PNPLA1: variants seen among roughly 807,000 people sequenced by gnomAD.
PNPLA1 encodes patatin like domain 1, omega-hydroxyceramide transacylase.
Under a neutral mutation model 51.7 loss-of-function variants are expected in PNPLA1, and 36 were observed. The ratio of observed to expected loss-of-function variants is 0.70; its 90% CI spans 0.53 to 0.92. PNPLA1 has a LOEUF of 0.92. Among genes scored for constraint, PNPLA1 ranks in the 40% least tolerant of loss-of-function variants. PNPLA1 has a pLI of 0.00. For synonymous variants in PNPLA1, 293 were observed against 280.1 expected (o/e 1.05, Z -0.46); for missense variants, 658 against 682.5 (o/e 0.96, Z 0.40).
chr6:36,291,937 G>T (rs1027235705), intron 2 of PNPLA1, among the ~76,000 whole-genome samples: 6 of 152,210 alleles, frequency 3.9e-5, no homozygotes, highest in Non-Finnish European at 7.4e-5. Flanking sequence ...GGTCAGGGGA[G>T]AGGGGCCCCC....
At chr6:36,293,238 A>G in intron 3 of PNPLA1, 112 bp downstream of exon 3, 2 of 1,032,042 alleles carry the variant, frequency 1.9e-6, no homozygotes, top group Non-Finnish European at 2.9e-6. Flanking sequence ...GGGAGGACCT[A>G]GAGTTGGAGA....
intron 1 of PNPLA1, among the ~76,000 whole-genome samples, chr6:36,289,513 T>A (rs1770610072): frequency 6.6e-6 from 1 of 151,898 alleles, no homozygotes. Flanking sequence ...CCTTTCTGCC[T>A]CCCAGGAGCA....
At chr6:36,249,959 T>C (rs191270355) in intron 1 of PNPLA1, among the ~76,000 whole-genome samples, 7 of 152,312 alleles carry the variant, frequency 4.6e-5, no homozygotes, top group African/African-American at 7.2e-5. Context: ...TGATGAGGGT[T>C]CTTTATATGC....
At chr6:36,273,647 C>T (rs1368525955) in intron 1 of PNPLA1, among the ~76,000 whole-genome samples, 1 of 134,620 alleles carries the variant, frequency 7.4e-6, no homozygotes, top group East Asian at 2.4e-4. Flanking sequence ...GATCCCAGCA[C>T]TTTGAGAGGC....
At chr6:36,245,006 CTG>C (rs1389234543) in intron 1 of PNPLA1, among the ~76,000 whole-genome samples, 7 of 152,330 alleles carry the variant, frequency 4.6e-5, no homozygotes, top group East Asian at 1.9e-4. Context: ...TACATGGAAA[CTG>C]TGCATTGGTT....
intron 1 of PNPLA1, among the ~76,000 whole-genome samples, chr6:36,251,034 G>T (rs533763625): frequency 4.3e-4 from 65 of 152,074 alleles, no homozygotes; most frequent in African/African-American, 1.4e-3. Context: ...ACTTCGTTTT[G>T]CTCACCAATG....
At chr6:36,291,575 G>GCAA in intron 2 of PNPLA1, 23 bp downstream of exon 2, 1 of 521,318 alleles carries the variant, frequency 1.9e-6, no homozygotes. Flanking sequence ...GGCTGGGAGG[G>GCAA]AGGGACACGG....
At chr6:36,310,709 T>C (rs558098310) in intron 8 of PNPLA1, among the ~76,000 whole-genome samples, 13 of 152,334 alleles carry the variant, frequency 8.5e-5, no homozygotes, top group Admixed American at 2.6e-4. Flanking sequence ...AGTGTCTTGA[T>C]GTTCCAACTT....
upstream of PNPLA1, among the ~76,000 whole-genome samples, chr6:36,268,334 G>T (rs1769810750): frequency 6.6e-6 from 1 of 152,176 alleles, no homozygotes; most frequent in Non-Finnish European, 1.5e-5. Flanking sequence ...GTGCAGCATA[G>T]GAATGACAGT....
In PNPLA1 at chr6:36,282,225, G is replaced by GGAAGGAAGGAAA. The variant is rs1554136659; in HGVS notation, c.206-9091_206-9080dup. Among the ~76,000 whole-genome samples, 18 of 141,446 alleles carry GGAAGGAAGGAAA rather than the reference G, an allele frequency of 1.3e-4. 1 individual carries two copies. Among genetic ancestry groups the GGAAGGAAGGAAA allele is most frequent in the Non-Finnish European group, 2.5e-4 (16 of 64,716 alleles). 92.8% of individuals were successfully genotyped at this position (141,446 alleles called of 152,430 possible). A position where few individuals can be genotyped will look rare whatever the true frequency, so the allele number is the denominator to read the frequency against. On this transcript the variant is annotated intron_variant, in intron 1 of 8. Transcript: ENST00000636260. Reference sequence around the variant, plus strand: ...GGAAGGAAGGAAGGGAAGGAAGGAAGGAAGGAAGGAAAGAAAGAAAGAAGG... The same window carrying GGAAGGAAGGAAA: ...GGAAGGAAGGAAGGGAAGGAAGGAAGGAAGGAAGGAAAGAAGGAAGGAAAGAAAGAAAGAAGG...
At chr6:36,257,734 CT>C (rs1368029899) in intron 1 of PNPLA1, among the ~76,000 whole-genome samples, 24 of 152,176 alleles carry the variant, frequency 1.6e-4, no homozygotes, top group African/African-American at 5.3e-4. Flanking sequence ...GTTTTTACAT[CT>C]GAGTTGTCTC....
intron 1 of PNPLA1, among the ~76,000 whole-genome samples, chr6:36,282,411 T>G (rs562461573): frequency 6.6e-5 from 10 of 152,368 alleles, no homozygotes; most frequent in African/African-American, 2.4e-4. Flanking sequence ...ACTTATGCTT[T>G]ACATGTTTAA....
intron 8 of PNPLA1, among the ~76,000 whole-genome samples, chr6:36,308,897 A>T (rs147437435): frequency 3.3e-5 from 5 of 152,322 alleles, no homozygotes; most frequent in African/African-American, 9.6e-5. Context: ...CGGGAGGCTG[A>T]GGCAGGAGGA....
At chr6:36,298,853 C>T (rs1332780987) in intron 5 of PNPLA1, among the ~76,000 whole-genome samples, 2 of 152,216 alleles carry the variant, frequency 1.3e-5, no homozygotes, top group African/African-American at 4.8e-5. Context: ...ATTCTCCCGC[C>T]TCAGCCTCCT....
chr6:36,309,063 A>G (rs1000998109), intron 8 of PNPLA1, among the ~76,000 whole-genome samples: 1 of 152,102 alleles, frequency 6.6e-6, no homozygotes, highest in African/African-American at 2.4e-5. Context: ...TCTTGTCCCA[A>G]GTGGGGTCCC....
At chr6:36,299,874 T>C (rs1770977513) in intron 5 of PNPLA1, among the ~76,000 whole-genome samples, 1 of 152,210 alleles carries the variant, frequency 6.6e-6, no homozygotes, top group Non-Finnish European at 1.5e-5. Flanking sequence ...AGTTTTAGAT[T>C]TATGGATAAC....
chr6:36,275,976 T>TTTCTTTCTTTCTTTTCTTTCTTTC (rs1770083721), intron 1 of PNPLA1, among the ~76,000 whole-genome samples: 2 of 136,792 alleles, frequency 1.5e-5, no homozygotes, highest in African/African-American at 5.7e-5. Context: ...TTCTTTCTTT[T>TTTCTTTCTTTCTTTTCTTTCTTTC]GAGACAGAGT....
intron 1 of PNPLA1, among the ~76,000 whole-genome samples, chr6:36,255,590 G>A (rs1769515278): frequency 6.6e-6 from 1 of 152,152 alleles, no homozygotes. Flanking sequence ...GGGAGGCTGA[G>A]GCAGGAGAAT....
intron 6 of PNPLA1, among the ~76,000 whole-genome samples, chr6:36,305,109 C>T (rs976189242): frequency 6.6e-6 from 1 of 152,192 alleles, no homozygotes; most frequent in African/African-American, 2.4e-5. Flanking sequence ...CAAGTTTATC[C>T]AACCCGCGGC....
Sources: gnomAD v4.1 joint callset for allele counts (sites outside exome capture counted in the v4.1 genomes callset) on GRCh38, gnomAD v4.1.1 for gene constraint, MANE v1.5 for transcripts, NCBI Gene and HGNC (gene_info 2026-07-23, HGNC 2026-07-21) for gene names.